NELL2: variants seen among roughly 807,000 people sequenced by gnomAD.
NELL2 encodes the protein neural EGFL like 2.
Under a neutral mutation model 109.6 loss-of-function variants are expected in NELL2, and 41 were observed. The ratio of observed to expected loss-of-function variants is 0.37; its 90% confidence interval spans 0.29 to 0.49. The LOEUF is 0.49. NELL2 is among the 20% of genes least tolerant of loss of function. The probability of loss-of-function intolerance (pLI) is 0.98; values close to 1 mark genes in which losing one functional copy is unlikely to be tolerated. For synonymous variants in NELL2, 355 were observed against 344.7 expected (o/e 1.03, Z -0.33); for missense variants, 900 against 1,008.3 (o/e 0.89, Z 1.45).
At chr12:44,859,669 T>A (rs372164987) in intron 2 of NELL2, among the ~76,000 whole-genome samples, 2 of 152,148 alleles carry the variant, frequency 1.3e-5, no homozygotes, top group African/African-American at 4.8e-5. Flanking sequence ...AGAGAAAGAA[T>A]AGATGCCTAC....
At chr12:44,596,309 T>C (rs1052222701) in intron 15 of NELL2, among the ~76,000 whole-genome samples, 6 of 152,198 alleles carry the variant, frequency 3.9e-5, no homozygotes, top group South Asian at 2.1e-4. Flanking sequence ...TATGGTGCAG[T>C]GGGAGGCCAA....
At chr12:44,715,943 T>C (rs1033472150) in intron 9 of NELL2, among the ~76,000 whole-genome samples, 1 of 152,052 alleles carries the variant, frequency 6.6e-6, no homozygotes, top group African/African-American at 2.4e-5. Context: ...AAAGTAGACA[T>C]ATTTTTACTT....
At chr12:44,509,392 T>C (rs966248000) in intron 19 of NELL2, among the ~76,000 whole-genome samples, 1 of 152,128 alleles carries the variant, frequency 6.6e-6, no homozygotes, top group Non-Finnish European at 1.5e-5. Flanking sequence ...TTGTGAAAAG[T>C]GCTAGAAAGG....
chr12:44,630,833 G>T (rs145605708), intron 13 of NELL2, among the ~76,000 whole-genome samples: 30 of 152,148 alleles, frequency 2.0e-4, no homozygotes, highest in African/African-American at 6.7e-4. Flanking sequence ...GCTGTTAGAT[G>T]GAATAAAGAT....
At chr12:44,778,010 C>T (rs1941818326) in intron 5 of NELL2, among the ~76,000 whole-genome samples, 1 of 152,158 alleles carries the variant, frequency 6.6e-6, no homozygotes, top group Non-Finnish European at 1.5e-5. Context: ...TGCTGGGCTC[C>T]TAAAGCAAAG....
At chr12:44,796,767 G>C (rs987141091) in intron 3 of NELL2, among the ~76,000 whole-genome samples, 3 of 151,996 alleles carry the variant, frequency 2.0e-5, no homozygotes, top group African/African-American at 7.2e-5. Context: ...CAAGAGATAA[G>C]ATCAGTAGCA....
chr12:44,630,364 A>G (rs533803078), intron 13 of NELL2, among the ~76,000 whole-genome samples: 1 of 152,354 alleles, frequency 6.6e-6, no homozygotes, highest in South Asian at 2.1e-4. Context: ...AATTTTAAGT[A>G]GAGGAACTAG....
chr12:44,623,348 T>C (rs1946125910), intron 13 of NELL2, among the ~76,000 whole-genome samples: 1 of 152,158 alleles, frequency 6.6e-6, no homozygotes, highest in Non-Finnish European at 1.5e-5. Flanking sequence ...TGTGTTTTGT[T>C]CTGCTCGAGT....
At chr12:44,778,088 C>T (rs1941821036) in intron 5 of NELL2, among the ~76,000 whole-genome samples, 1 of 152,146 alleles carries the variant, frequency 6.6e-6, no homozygotes, top group Admixed American at 6.6e-5. Flanking sequence ...CACACTCCCC[C>T]CATTTCTTCA....
chr12:44,710,190 G>T (rs1425764146), intron 11 of NELL2, among the ~76,000 whole-genome samples: 2 of 152,146 alleles, frequency 1.3e-5, no homozygotes, highest in Non-Finnish European at 2.9e-5. Flanking sequence ...GGATCTATCA[G>T]ATCCTATGTC....
chr12:44,849,520 G>A (rs1156742559), intron 2 of NELL2, among the ~76,000 whole-genome samples: 1 of 152,130 alleles, frequency 6.6e-6, no homozygotes, highest in South Asian at 2.1e-4. Context: ...GAAACACTGA[G>A]AACTCTCATA....
At chr12:44,868,119 C>CAAAAA (rs34038469) in intron 2 of NELL2, among the ~76,000 whole-genome samples, 70 of 64,570 alleles carry the variant, frequency 1.1e-3, no homozygotes, top group South Asian at 2.1e-3. Context: ...GGCTCCATCT[C>CAAAAA]AAAAAAAAAA....
In NELL2 at chr12:44,822,056, G is replaced by A. The variant is rs186365309; in HGVS notation, c.185-5920C>T. The stretch of plus-strand genomic sequence containing the variant: ...TCTGGGATTACAGGCATGAGCCACC[G>A]CATCTGGCAAAAATTTTAATTTAGA... On this transcript the variant is annotated intron_variant, in intron 2 of 19. Transcript: ENST00000429094. Among the ~76,000 whole-genome samples the A allele has an allele frequency of 2.6e-4, 39 of 151,934 alleles. No homozygotes were observed. In the East Asian group the frequency reaches 5.2e-3, roughly 20 times the overall value.
rs1941877450 is a variant in NELL2, at chr12:44,779,607, T to C, written c.606+56A>G. Reference sequence around the variant, plus strand: ...CACCATAAAAAGTAAAATCTACTTTTTGAAACTCATTAGAAAGCATTTACA... The same window carrying C: ...CACCATAAAAAGTAAAATCTACTTTCTGAAACTCATTAGAAAGCATTTACA... On this transcript the variant is annotated intron_variant, in intron 5 of 19. Coordinates refer to ENST00000429094, the MANE Select transcript of NELL2 (RefSeq NM_001145108.2). The C allele has an allele frequency of 7.2e-6, 10 of 1,385,728 alleles. No homozygotes were observed. The South Asian group carries it at 1.1e-4, about 15-fold the overall frequency. 85.8% of individuals were successfully genotyped at this position (1,385,728 alleles called of 1,614,324 possible).
chr12:44,714,591 A>G (rs1040444686), intron 10 of NELL2, 59 bp downstream of exon 10: 4 of 1,045,318 alleles, frequency 3.8e-6, no homozygotes, highest in Middle Eastern at 2.0e-4. Context: ...TAGTAAAGAA[A>G]CTTTTATCTT....
chr12:44,709,431 C>T (rs897726500), intron 11 of NELL2, among the ~76,000 whole-genome samples: 1 of 152,156 alleles, frequency 6.6e-6, no homozygotes, highest in African/African-American at 2.4e-5. Context: ...AGGTAACCAA[C>T]ATGTAGTGAG....
At chr12:44,756,518 C>T (rs575188641) in intron 9 of NELL2, among the ~76,000 whole-genome samples, 1 of 152,202 alleles carries the variant, frequency 6.6e-6, no homozygotes, top group African/African-American at 2.4e-5. Flanking sequence ...CCCACCCACT[C>T]CCCACAGCCA....
At chr12:44,587,977 C>T (rs1421430511) in intron 15 of NELL2, among the ~76,000 whole-genome samples, 1 of 151,986 alleles carries the variant, frequency 6.6e-6, no homozygotes, top group African/African-American at 2.4e-5. Context: ...TGGTGAAACC[C>T]CGTCTCTACT....
chr12:44,517,848 A>G (rs1194305007), intron 19 of NELL2, among the ~76,000 whole-genome samples: 1 of 152,134 alleles, frequency 6.6e-6, no homozygotes, highest in Admixed American at 6.5e-5. Flanking sequence ...GTGTGTATTT[A>G]TCAATTAGAA....
Sources: allele counts gnomAD v4.1 joint callset (sites outside exome capture counted in the v4.1 genomes callset), GRCh38; gene constraint gnomAD v4.1.1; transcripts MANE v1.5; gene names NCBI Gene and HGNC (gene_info 2026-07-23, HGNC 2026-07-21).